PKP2: variants seen among roughly 807,000 people sequenced by gnomAD.
PKP2 encodes plakophilin-2.
A neutral mutation model predicts 83.4 loss-of-function variants in PKP2; 73 were observed. The observed-to-expected ratio is 0.88, with a 90% confidence interval of 0.72 to 1.06. PKP2 has a LOEUF of 1.06. Ranked by LOEUF, PKP2 falls within the 50% of genes least tolerant of loss-of-function variation. PKP2 has a pLI of 0.00. For missense variants in PKP2, 966 were observed against 1,065.4 expected, an observed-to-expected ratio of 0.91 and a Z score of 1.30; for synonymous variants, 409 against 430.4, an observed-to-expected ratio of 0.95 and a Z score of 0.62.
At chr12:32,845,318 G>A (rs1456055685) in intron 5 of PKP2, among the ~76,000 whole-genome samples, 2 of 152,244 alleles carry the variant, frequency 1.3e-5, no homozygotes, top group East Asian at 1.9e-4. Flanking sequence ...CTGGGAGGCC[G>A]AGGGGGGCGG....
intron 4 of PKP2, among the ~76,000 whole-genome samples, chr12:32,865,285 G>A (rs2137907577): frequency 6.7e-6 from 1 of 149,386 alleles, no homozygotes; most frequent in South Asian, 2.2e-4. Flanking sequence ...TGAGGCAGGA[G>A]AATCACTTGA....
intron 10 of PKP2, among the ~76,000 whole-genome samples, chr12:32,796,642 G>C (rs1465724197): frequency 6.6e-6 from 1 of 151,830 alleles, no homozygotes; most frequent in African/African-American, 2.4e-5. Flanking sequence ...CTCGTGATCC[G>C]CCAGCCTCGG....
chr12:32,849,022 A>AC (rs1956673601), intron 5 of PKP2, among the ~76,000 whole-genome samples: 1 of 151,782 alleles, frequency 6.6e-6, no homozygotes, highest in Non-Finnish European at 1.5e-5. Context: ...AAAAAAAAAA[A>AC]AACCTCTTCT....
At position 32,802,534 on chromosome 12, in the gene PKP2, G is replaced by A. The variant is rs754136164; in HGVS notation, c.2036C>T (p.Thr679Ile). Residue 679 changes from threonine (T) to isoleucine (I), a missense_variant, in exon 10 of 13, where the codon ACA becomes ATA. By Grantham distance (89) the Thr-to-Ile change is moderately conservative. Transcript: ENST00000340811. ...SGPMPTSVAQTVVQKESGLQH... is the reference protein window; with the variant it reads ...SGPMPTSVAQIVVQKESGLQH... ...CAGGCCACTTTCCTTCTGGACAACT[G>A]TCTGAGCCACTGATGTCGGCATCTG... The A allele has an allele frequency of 6.2e-7, 1 of 1,614,078 alleles. No homozygotes were observed. The highest frequency in any genetic ancestry group is 1.7e-5 in the Admixed American group (1 of 60,010).
chr12:32,822,592 A>G lies in PKP2; in HGVS notation c.1714T>C (p.Tyr572His). The G allele has an allele frequency of 1.2e-6, 2 of 1,614,104 alleles. No individual in the cohort carries two copies. Among genetic ancestry groups the G allele is most frequent in the Non-Finnish European group, 1.7e-6 (2 of 1,179,952 alleles). The change falls in exon 8 of 13, where the codon TAC (tyrosine) becomes CAC (histidine). Residue 572 changes from tyrosine (Y) to histidine (H), a missense_variant. Physicochemically the swap from Tyr to His is moderately conservative, Grantham distance 83. Coordinates refer to ENST00000340811, the MANE Select transcript of PKP2 (RefSeq NM_001005242.3). ...TCTGGGAGCTCTGCCTCCAGCTGGTAGGAGAGGTTATGAAGAATGCACACA... is the reference window on the plus strand; with the variant it reads ...TCTGGGAGCTCTGCCTCCAGCTGGTGGGAGAGGTTATGAAGAATGCACACA... ...NCVCILHNLS[Y>H]QLEAELPEKY...
At chr12:32,828,902 AAAAT>A (rs1332325223) in intron 6 of PKP2, among the ~76,000 whole-genome samples, 1 of 151,774 alleles carries the variant, frequency 6.6e-6, no homozygotes, top group Non-Finnish European at 1.5e-5. Flanking sequence ...ACCACCATAC[AAAAT>A]AAATAACTTT....
chr12:32,850,397 C>T (rs867320899), intron 5 of PKP2, among the ~76,000 whole-genome samples: 13 of 151,944 alleles, frequency 8.6e-5, no homozygotes, highest in Admixed American at 4.6e-4. Context: ...GTAGAAACAT[C>T]GTCTCTACTA....
intron 5 of PKP2, among the ~76,000 whole-genome samples, chr12:32,844,367 T>C (rs1001939561): frequency 1.8e-4 from 28 of 152,130 alleles, no homozygotes; most frequent in Admixed American, 3.9e-4. Flanking sequence ...TTTAATACTC[T>C]TAATATATAG....
At chr12:32,833,203 A>C (rs1266677686) in intron 6 of PKP2, among the ~76,000 whole-genome samples, 1 of 152,232 alleles carries the variant, frequency 6.6e-6, no homozygotes, top group African/African-American at 2.4e-5. Context: ...AGATCATGCC[A>C]CTGCACTCCA....
chr12:32,872,947 G>T (rs1384057420), intron 3 of PKP2, among the ~76,000 whole-genome samples: 1 of 152,194 alleles, frequency 6.6e-6, no homozygotes, highest in African/African-American at 2.4e-5. Flanking sequence ...ACTAAAGCAG[G>T]TAGTAATTAA....
In PKP2 at chr12:32,796,164, C is replaced by A; in HGVS notation, c.2302G>T (p.Asp768Tyr). Residue 768 changes from aspartate to tyrosine, a missense_variant, in exon 11 of 13, where the codon GAC becomes TAC. Coordinates refer to ENST00000340811, the MANE Select transcript of PKP2 (RefSeq NM_001005242.3). ...TGGATGCCCCCGGTGTTTAGAAGGT[C>A]GCGTGCATTCTGGTAACTGTTTTGG... ...IIQNSYQNAR[D>Y]LLNTGGIQKI... is the part of the protein sequence containing the mutation. The A allele has an allele frequency of 6.2e-7, 1 of 1,614,006 alleles. No homozygotes were observed. Among genetic ancestry groups the A allele is most frequent in the South Asian group, 1.1e-5 (1 of 91,072 alleles).
At chr12:32,847,843 G>A (rs959828344) in intron 5 of PKP2, among the ~76,000 whole-genome samples, 2 of 152,024 alleles carry the variant, frequency 1.3e-5, no homozygotes, top group Admixed American at 1.3e-4. Context: ...GCATGTCCCT[G>A]TAGTCCCAGC....
At chr12:32,846,742 T>C (rs1269441635) in intron 5 of PKP2, among the ~76,000 whole-genome samples, 1 of 84,226 alleles carries the variant, frequency 1.2e-5, no homozygotes, top group Non-Finnish European at 2.3e-5. Context: ...TGAAACTTCT[T>C]CTCAAAAAAA....
At chr12:32,794,157 A>C (rs1401614069) in intron 11 of PKP2, among the ~76,000 whole-genome samples, 1 of 152,226 alleles carries the variant, frequency 6.6e-6, no homozygotes, top group Non-Finnish European at 1.5e-5. Context: ...AGGGAGGAGC[A>C]GTCAAATCAG....
chr12:32,848,134 T>C (rs1420591524), intron 5 of PKP2, among the ~76,000 whole-genome samples: 1 of 152,164 alleles, frequency 6.6e-6, no homozygotes, highest in Non-Finnish European at 1.5e-5. Flanking sequence ...GAGCGTAGCA[T>C]GGTACTGGTA....
intron 9 of PKP2, 90 bp downstream of exon 9, chr12:32,821,266 T>C: frequency 8.4e-7 from 1 of 1,186,704 alleles, no homozygotes. Flanking sequence ...AACCTTTTTC[T>C]CTTCCCTCAC....
intron 6 of PKP2, among the ~76,000 whole-genome samples, chr12:32,834,710 G>A (rs1956529437): frequency 1.3e-5 from 2 of 152,054 alleles, no homozygotes. Flanking sequence ...GACTGGGGGG[G>A]AGGAGGGAAG....
intron 9 of PKP2, among the ~76,000 whole-genome samples, chr12:32,810,455 A>G (rs974287209): frequency 4.6e-5 from 7 of 152,132 alleles, no homozygotes; most frequent in African/African-American, 1.4e-4. Context: ...TGTGCCAGTC[A>G]TGCACACCTG....
At chr12:32,823,031 G>C (rs1026526174) in intron 7 of PKP2, among the ~76,000 whole-genome samples, 3 of 152,180 alleles carry the variant, frequency 2.0e-5, no homozygotes, top group Non-Finnish European at 2.9e-5. Context: ...GCATTAGAGG[G>C]AAGTGTAAGA....
Sources: gnomAD v4.1 joint callset for allele counts (sites outside exome capture counted in the v4.1 genomes callset) on GRCh38, gnomAD v4.1.1 for gene constraint, MANE v1.5 for transcripts, NCBI Gene and HGNC (gene_info 2026-07-23, HGNC 2026-07-21) for gene names.